The following SORCS3 variants were observed in gnomAD, a reference collection of about 807,000 sequenced individuals.
The protein encoded by SORCS3 is VPS10 domain-containing receptor SorCS3.
A neutral mutation model predicts 146.3 loss-of-function variants in SORCS3; 57 were observed. The observed-to-expected ratio is 0.39, with a 90% CI of 0.31 to 0.49. SORCS3 has a LOEUF of 0.49. SORCS3 is among the 20% of genes least tolerant of loss of function. SORCS3 has a pLI of 0.92. For synonymous variants in SORCS3, 653 were observed against 618.5 expected (o/e 1.06, Z -0.83); for missense variants, 1,341 against 1,575.5 (o/e 0.85, Z 2.52).
chr10:105,151,901 T>C (rs1321554156), intron 9 of SORCS3, among the ~76,000 whole-genome samples: 6 of 152,080 alleles, frequency 3.9e-5, no homozygotes, highest in African/African-American at 1.4e-4. Flanking sequence ...TAATAATCTA[T>C]CTCTTCTTTG....
intron 1 of SORCS3, among the ~76,000 whole-genome samples, chr10:104,727,479 A>G (rs752917817): frequency 2.1e-4 from 32 of 151,748 alleles, no homozygotes; most frequent in Admixed American, 2.0e-4. Context: ...CCATGTCTTT[A>G]AAAAAAACTT....
At chr10:105,132,539 T>A (rs1004397505) in intron 7 of SORCS3, among the ~76,000 whole-genome samples, 4 of 152,188 alleles carry the variant, frequency 2.6e-5, no homozygotes, top group African/African-American at 9.6e-5. Flanking sequence ...TTGGTTCTAA[T>A]TTTTGGGGGC....
intron 1 of SORCS3, among the ~76,000 whole-genome samples, chr10:104,834,110 C>T (rs758942375): frequency 3.3e-5 from 5 of 152,156 alleles, no homozygotes; most frequent in Non-Finnish European, 5.9e-5. Flanking sequence ...CCCCAGTCCA[C>T]TGCTGTTACT....
In SORCS3 at chr10:104,991,932, C is replaced by T. The variant is rs574871999; in HGVS notation, c.954+14439C>T. On this transcript the variant is annotated intron_variant, in intron 4 of 26. Coordinates refer to ENST00000369701, the MANE Select transcript of SORCS3 (RefSeq NM_014978.3). ...CATTCTGAGGTACTGGGGGTTAGGACTTCAACATGTGGATTTGTGGGGATG... is the reference window on the plus strand; with the variant it reads ...CATTCTGAGGTACTGGGGGTTAGGATTTCAACATGTGGATTTGTGGGGATG... Among the ~76,000 whole-genome samples, 158 of 152,316 alleles carry T rather than the reference C, an allele frequency of 1.0e-3. 1 individual carries two copies. Among genetic ancestry groups the T allele is most frequent in the African/African-American group, 3.5e-3 (145 of 41,576 alleles).
chr10:104,903,054 C>T (rs1426794183), intron 2 of SORCS3, among the ~76,000 whole-genome samples: 4 of 152,140 alleles, frequency 2.6e-5, no homozygotes, highest in Non-Finnish European at 1.5e-5. Context: ...AATGGCCGGG[C>T]ATTGAAGTAG....
chr10:104,742,798 A>G (rs1655958871), intron 1 of SORCS3, among the ~76,000 whole-genome samples: 1 of 152,134 alleles, frequency 6.6e-6, no homozygotes, highest in Admixed American at 6.5e-5. Context: ...TCCTAAATCT[A>G]TTGGATGGAA....
chr10:105,151,600 C>A (rs944916103), intron 9 of SORCS3, among the ~76,000 whole-genome samples: 8 of 152,036 alleles, frequency 5.3e-5, no homozygotes, highest in Non-Finnish European at 7.4e-5. Context: ...GCATGGACCT[C>A]TGAAGCTTCT....
intron 2 of SORCS3, among the ~76,000 whole-genome samples, chr10:104,846,143 G>A (rs10884054): frequency 0.11 from 16,444 of 152,154 alleles, 1,047 homozygotes; most frequent in South Asian, 0.26. Context: ...ACCTGATAAA[G>A]CCCCAGCTTA....
intron 1 of SORCS3, among the ~76,000 whole-genome samples, chr10:104,779,528 T>C (rs2017349173): frequency 6.6e-6 from 1 of 152,158 alleles, no homozygotes; most frequent in Non-Finnish European, 1.5e-5. Context: ...ACTTGCAGTG[T>C]GGACATCCAG....
intron 3 of SORCS3, among the ~76,000 whole-genome samples, chr10:104,962,077 T>C (rs1010284815): frequency 6.6e-6 from 1 of 152,070 alleles, no homozygotes; most frequent in African/African-American, 2.4e-5. Flanking sequence ...CGCAGTTCAA[T>C]GTGATTATGA....
chr10:104,743,635 TA>T (rs1404427808), intron 1 of SORCS3, among the ~76,000 whole-genome samples: 10 of 152,122 alleles, frequency 6.6e-5, no homozygotes, highest in Non-Finnish European at 1.5e-5. Flanking sequence ...TAACCATGCC[TA>T]AGAAGTTCCC....
chr10:104,882,009 T>C (rs2018637284), intron 2 of SORCS3, among the ~76,000 whole-genome samples: 2 of 152,250 alleles, frequency 1.3e-5, no homozygotes, highest in Admixed American at 1.3e-4. Flanking sequence ...CCAAATAGGG[T>C]ATGAAGCTAG....
At chr10:104,928,174 GGAC>G (rs1240373565) in intron 3 of SORCS3, among the ~76,000 whole-genome samples, 2 of 152,174 alleles carry the variant, frequency 1.3e-5, no homozygotes, top group African/African-American at 4.8e-5. Context: ...GATGGAGTTA[GGAC>G]TCAGGGCAGA....
intron 1 of SORCS3, among the ~76,000 whole-genome samples, chr10:104,829,929 G>A (rs1040943444): frequency 6.6e-6 from 1 of 152,090 alleles, no homozygotes; most frequent in African/African-American, 2.4e-5. Context: ...TACATGTGCA[G>A]AACATGAAGA....
chr10:105,064,676 G>GTA (rs1376105818), intron 5 of SORCS3, among the ~76,000 whole-genome samples: 1 of 144,412 alleles, frequency 6.9e-6, no homozygotes, highest in East Asian at 1.9e-4. Context: ...GAGAAGAAGG[G>GTA]TATCTCAGCT....
intron 4 of SORCS3, among the ~76,000 whole-genome samples, chr10:105,037,293 C>T (rs2055312975): frequency 6.6e-6 from 1 of 152,168 alleles, no homozygotes; most frequent in African/African-American, 2.4e-5. Context: ...CTGTCTCTCT[C>T]CAGACTGCCT....
At chr10:104,865,743 A>C (rs548746291) in intron 2 of SORCS3, among the ~76,000 whole-genome samples, 16 of 152,358 alleles carry the variant, frequency 1.1e-4, no homozygotes, top group African/African-American at 3.8e-4. Context: ...TTAAAGAAAC[A>C]TGAAAGAAAC....
At chr10:105,220,405 A>T (rs978403470) in intron 19 of SORCS3, among the ~76,000 whole-genome samples, 1 of 152,126 alleles carries the variant, frequency 6.6e-6, no homozygotes, top group Admixed American at 6.5e-5. Flanking sequence ...CTTCTTGGGT[A>T]TCAGAGGATC....
At chr10:105,065,842 G>A (rs78534344) in intron 5 of SORCS3, among the ~76,000 whole-genome samples, 8,963 of 152,258 alleles carry the variant, frequency 0.059, 283 homozygotes, top group Middle Eastern at 0.088. Context: ...ACATATATTT[G>A]ATGTTTGTTC....
Sources: gnomAD v4.1 joint callset for allele counts (sites outside exome capture counted in the v4.1 genomes callset) on GRCh38, gnomAD v4.1.1 for gene constraint, MANE v1.5 for transcripts, NCBI Gene and HGNC (gene_info 2026-07-23, HGNC 2026-07-21) for gene names.